The following SEMA3E variants were observed in gnomAD, a reference collection of about 807,000 sequenced individuals.
SEMA3E encodes the protein semaphorin 3E, also known as semaphorin-3E.
A neutral mutation model predicts 93.6 loss-of-function variants in SEMA3E; 49 were observed. That is an observed-to-expected ratio of 0.52 (90% CI 0.42 to 0.66). The LOEUF is 0.66. Among genes scored for constraint, SEMA3E ranks in the 30% least tolerant of loss-of-function variants. The pLI, the probability that SEMA3E is intolerant of heterozygous loss-of-function variation, is 0.00. For synonymous variants in SEMA3E, 363 were observed against 330.7 expected (o/e 1.10, Z -1.06); for missense variants, 906 against 964.8 (o/e 0.94, Z 0.81).
At chr7:83,543,772 A>G (rs1791586413) in intron 1 of SEMA3E, among the ~76,000 whole-genome samples, 1 of 152,078 alleles carries the variant, frequency 6.6e-6, no homozygotes, top group Admixed American at 6.6e-5. Flanking sequence ...CTATAAAATA[A>G]TACAATGAAC....
At chr7:83,552,419 A>C (rs1008589412) in intron 1 of SEMA3E, among the ~76,000 whole-genome samples, 2 of 152,200 alleles carry the variant, frequency 1.3e-5, no homozygotes, top group Admixed American at 6.6e-5. Context: ...GTGTTTGAAC[A>C]ATATGAAATC....
chr7:83,609,324 ACT>A (rs1004790587), intron 1 of SEMA3E, among the ~76,000 whole-genome samples: 4 of 152,006 alleles, frequency 2.6e-5, no homozygotes, highest in African/African-American at 9.7e-5. Flanking sequence ...GATCAGGCAC[ACT>A]GTCTACTTTA....
chr7:83,397,077 C>G (rs1289875760), intron 11 of SEMA3E, among the ~76,000 whole-genome samples: 1 of 91,864 alleles, frequency 1.1e-5, no homozygotes, highest in African/African-American at 2.8e-5. Flanking sequence ...AAGCCTTCAT[C>G]TAAGAAAAAA....
chr7:83,603,197 T>G (rs1793034469), intron 1 of SEMA3E, among the ~76,000 whole-genome samples: 1 of 152,094 alleles, frequency 6.6e-6, no homozygotes, highest in Non-Finnish European at 1.5e-5. Context: ...TTTAGAAAGG[T>G]ACTGTGAATG....
At chr7:83,485,621 G>C (rs1312141938) in intron 2 of SEMA3E, among the ~76,000 whole-genome samples, 2 of 151,964 alleles carry the variant, frequency 1.3e-5, no homozygotes, top group African/African-American at 4.8e-5. Flanking sequence ...CAAAAGTAGT[G>C]ACACTACATA....
chr7:83,619,566 T>C lies in SEMA3E; in HGVS notation c.115+28862A>G, dbSNP rs1793502517. Among the ~76,000 whole-genome samples, 3 of 151,958 alleles carry C rather than the reference T, an allele frequency of 2.0e-5. No homozygotes were observed. The South Asian group carries it at 6.2e-4, about 31-fold the overall frequency. On this transcript the variant is annotated intron_variant, in intron 1 of 16. Coordinates refer to ENST00000643230, the MANE Select transcript of SEMA3E (RefSeq NM_012431.3). The stretch of plus-strand genomic sequence containing the variant: ...AGAAAAAGAGAAATGAAGAAAATGT[T>C]GGTGGTGTTCACTGAAGCCCTGTAC...
At chr7:83,544,110 A>T (rs1487831981) in intron 1 of SEMA3E, among the ~76,000 whole-genome samples, 3 of 152,118 alleles carry the variant, frequency 2.0e-5, no homozygotes, top group Non-Finnish European at 4.4e-5. Flanking sequence ...TTCCTGAAAC[A>T]TGTTGGAAAT....
intron 1 of SEMA3E, among the ~76,000 whole-genome samples, chr7:83,536,438 A>G (rs1449357279): frequency 6.6e-6 from 1 of 152,108 alleles, no homozygotes; most frequent in Non-Finnish European, 1.5e-5. Flanking sequence ...GTACCTGAGG[A>G]AAAATTAGGT....
In SEMA3E at chr7:83,392,648, G is replaced by A. The variant is rs2115582025; in HGVS notation, c.1574C>T (p.Ala525Val). 6.2e-7 allele frequency: 1 copy of A among 1,613,844 alleles called. No homozygotes were observed. Among genetic ancestry groups the A allele is most frequent in the African/African-American group, 1.3e-5 (1 of 74,990 alleles). ...TCGAGCCAGGCAGCAGTCAGCACAA[G>A]CACTTCCATACATGTCACAGTGATG... Reference protein sequence around the residue: ...RFHHCDMYGSACADCCLARDP... With the variant: ...RFHHCDMYGSVCADCCLARDP... Residue 525 changes from alanine (A) to valine (V), a missense_variant, in exon 14 of 17, where the codon GCT becomes GTT. By Grantham distance (64) the Ala-to-Val change is moderately conservative (BLOSUM62 0). Coordinates refer to ENST00000643230, the MANE Select transcript of SEMA3E (RefSeq NM_012431.3).
Position 83,390,227 on chromosome 7 carries a change from GCGTATATA to G in SEMA3E, c.1667+2320_1667+2327del, listed in dbSNP as rs1787990154. ...TGCACATATATGCGCGTATATATGC[GCGTATATA>G]TGCGCGTATATATGCGCGTATATAT... On this transcript the variant is annotated intron_variant, in intron 14 of 16. Coordinates refer to ENST00000643230, the MANE Select transcript of SEMA3E (RefSeq NM_012431.3). Among the ~76,000 whole-genome samples the G allele has an allele frequency of 3.2e-4, 5 of 15,740 alleles. 2 individuals are homozygous for G. Among genetic ancestry groups the G allele is most frequent in the Admixed American group, 1.7e-3 (2 of 1,148 alleles). The allele number at this position is 15,740 out of a possible 152,430, so 10.3% of individuals were successfully genotyped here.
chr7:83,578,548 T>A (rs1167658541), intron 1 of SEMA3E, among the ~76,000 whole-genome samples: 2 of 152,080 alleles, frequency 1.3e-5, no homozygotes, highest in Non-Finnish European at 2.9e-5. Context: ...AGAGTGAGAC[T>A]CCGTCTCAAC....
intron 1 of SEMA3E, among the ~76,000 whole-genome samples, chr7:83,578,096 T>C (rs1207784466): frequency 6.6e-6 from 1 of 152,006 alleles, no homozygotes; most frequent in African/African-American, 2.4e-5. Flanking sequence ...TTCCTAGGAT[T>C]TGGTGAGAGA....
intron 12 of SEMA3E, among the ~76,000 whole-genome samples, chr7:83,396,041 A>ATGTGTGTGTG (rs3043167): frequency 2.8e-4 from 42 of 149,122 alleles, no homozygotes; most frequent in Middle Eastern, 3.5e-3. Context: ...ATACGACTTG[A>ATGTGTGTGTG]TGTGTGTGTG....
intron 1 of SEMA3E, among the ~76,000 whole-genome samples, chr7:83,643,377 A>G (rs302122): frequency 6.6e-6 from 1 of 151,808 alleles, no homozygotes; most frequent in Non-Finnish European, 1.5e-5. Context: ...GTAAAGCTGA[A>G]AAAATGATTT....
intron 1 of SEMA3E, among the ~76,000 whole-genome samples, chr7:83,531,184 T>A (rs1354309460): frequency 6.6e-6 from 1 of 151,882 alleles, no homozygotes; most frequent in Admixed American, 6.6e-5. Flanking sequence ...ACTCTATAAT[T>A]AAGCATCTAA....
At chr7:83,457,696 A>G (rs1294014178) in intron 4 of SEMA3E, among the ~76,000 whole-genome samples, 1 of 152,124 alleles carries the variant, frequency 6.6e-6, no homozygotes, top group Non-Finnish European at 1.5e-5. Flanking sequence ...GCTTGAATCA[A>G]TCTTAAATAT....
At chr7:83,533,821 G>A (rs185785016) in intron 1 of SEMA3E, among the ~76,000 whole-genome samples, 1 of 152,206 alleles carries the variant, frequency 6.6e-6, no homozygotes, top group East Asian at 1.9e-4. Flanking sequence ...ATTGTGGCTG[G>A]CTGGCTGGCC....
At chr7:83,547,668 C>T (rs1208001948) in intron 1 of SEMA3E, among the ~76,000 whole-genome samples, 2 of 151,988 alleles carry the variant, frequency 1.3e-5, no homozygotes. Context: ...TATGTTTAAC[C>T]TTAGGAAATT....
intron 16 of SEMA3E, among the ~76,000 whole-genome samples, chr7:83,375,759 G>A (rs1211044552): frequency 1.3e-5 from 2 of 151,962 alleles, no homozygotes; most frequent in East Asian, 3.9e-4. Context: ...AAGAGAAAAT[G>A]TTTTAATTTT....
Sources: gnomAD v4.1 joint callset for allele counts (sites outside exome capture counted in the v4.1 genomes callset) on GRCh38, gnomAD v4.1.1 for gene constraint, MANE v1.5 for transcripts, NCBI Gene and HGNC (gene_info 2026-07-23, HGNC 2026-07-21) for gene names.